LPXN: variants seen among roughly 807,000 people sequenced by gnomAD.
LPXN encodes the protein leupaxin.
A neutral mutation model predicts 45.6 loss-of-function variants in LPXN; 28 were observed. The observed-to-expected ratio is 0.61, with a 90% confidence interval of 0.45 to 0.84. The LOEUF is 0.84. Among genes scored for constraint, LPXN ranks in the 40% least tolerant of loss-of-function variants. The pLI is 0.00. For synonymous variants in LPXN, 166 were observed against 169.9 expected (o/e 0.98, Z 0.18); for missense variants, 459 against 475.0 (o/e 0.97, Z 0.31).
At chr11:58,555,037 T>A in intron 3 of LPXN, 97 bp from the exon 4 acceptor site, 1 of 750,912 alleles carries the variant, frequency 1.3e-6, no homozygotes, top group Admixed American at 2.2e-5. Context: ...TAATAATGAA[T>A]CCCCTGGATA....
chr11:58,536,629 C>A (rs562906349), intron 7 of LPXN, among the ~76,000 whole-genome samples: 1 of 152,136 alleles, frequency 6.6e-6, no homozygotes, highest in Non-Finnish European at 1.5e-5. Context: ...ACACCAAAAG[C>A]AATGGCTACA....
intron 7 of LPXN, among the ~76,000 whole-genome samples, chr11:58,534,086 C>T (rs1279692866): frequency 6.6e-6 from 1 of 152,140 alleles, no homozygotes; most frequent in Non-Finnish European, 1.5e-5. Flanking sequence ...GAGACTTTAA[C>T]ACCCCACTGT....
At chr11:58,564,056 T>C (rs1854456722) in intron 3 of LPXN, 99 bp downstream of exon 3, 1 of 739,290 alleles carries the variant, frequency 1.4e-6, no homozygotes, top group Admixed American at 2.5e-5. Context: ...CGAGTTCTAA[T>C]AATAAACACT....
At chr11:58,531,771 T>C (rs937773846) in intron 7 of LPXN, among the ~76,000 whole-genome samples, 3 of 152,056 alleles carry the variant, frequency 2.0e-5, no homozygotes, top group East Asian at 3.9e-4. Context: ...TTCACCAAGG[T>C]TGAAATTGAG....
chr11:58,555,511 A>G lies in LPXN; in HGVS notation c.219-571T>C, dbSNP rs532898056. Among the ~76,000 whole-genome samples, 231 of 152,356 alleles carry G rather than the reference A, an allele frequency of 1.5e-3. 1 individual carries two copies. Among genetic ancestry groups the G allele is most frequent in the African/African-American group, 4.7e-3 (195 of 41,598 alleles). On this transcript the variant is annotated intron_variant, in intron 3 of 8. Coordinates refer to ENST00000395074, the MANE Select transcript of LPXN (RefSeq NM_004811.3). ...AATAAACAGAATACAGATTCTATTC[A>G]AGTAGCTGCATAAACATTAGTAAAA...
chr11:58,542,011 A>AG (rs2120263215), intron 7 of LPXN, among the ~76,000 whole-genome samples: 1 of 148,704 alleles, frequency 6.7e-6, no homozygotes, highest in South Asian at 2.2e-4. Flanking sequence ...GGACACAGGA[A>AG]GGGGAACGTC....
intron 1 of LPXN, 49 bp downstream of exon 1, chr11:58,575,711 C>T: frequency 6.2e-7 from 1 of 1,606,280 alleles, no homozygotes; most frequent in Non-Finnish European, 8.5e-7. Context: ...AAGGAGATGG[C>T]AGCCAAGTCT....
At chr11:58,551,657 G>A (rs1336787734) in intron 4 of LPXN, among the ~76,000 whole-genome samples, 4 of 152,060 alleles carry the variant, frequency 2.6e-5, no homozygotes, top group Admixed American at 1.3e-4. Context: ...CAAGTGTCTG[G>A]CCTCATGGAA....
chr11:58,572,835 T>G (rs536931345), intron 1 of LPXN, among the ~76,000 whole-genome samples: 1 of 152,290 alleles, frequency 6.6e-6, no homozygotes, highest in South Asian at 2.1e-4. Context: ...ATATATGAAG[T>G]AAGACTGATG....
chr11:58,553,231 G>A (rs893915775), intron 4 of LPXN, among the ~76,000 whole-genome samples: 1 of 151,374 alleles, frequency 6.6e-6, no homozygotes, highest in Admixed American at 6.6e-5. Context: ...AGCTACTCAG[G>A]AGGCTGAGGC....
chr11:58,551,800 G>T (rs1264381341), intron 4 of LPXN, among the ~76,000 whole-genome samples: 1 of 152,176 alleles, frequency 6.6e-6, no homozygotes, highest in African/African-American at 2.4e-5. Context: ...TTAGATGGAG[G>T]TAATAATCAA....
intron 4 of LPXN, among the ~76,000 whole-genome samples, chr11:58,552,078 T>C (rs1376951118): frequency 6.6e-6 from 1 of 152,088 alleles, no homozygotes; most frequent in Non-Finnish European, 1.5e-5. Context: ...ATGGAAGCCA[T>C]TGCAGGATTT....
chr11:58,530,666 G>C (rs939412402), intron 7 of LPXN, among the ~76,000 whole-genome samples: 2 of 152,242 alleles, frequency 1.3e-5, no homozygotes, highest in Non-Finnish European at 2.9e-5. Context: ...GCTCTGAAGA[G>C]AGCAGTGGAT....
At chr11:58,565,874 T>C (rs1388925686) in intron 2 of LPXN, among the ~76,000 whole-genome samples, 1 of 151,970 alleles carries the variant, frequency 6.6e-6, no homozygotes, top group East Asian at 1.9e-4. Context: ...GGTGGGTGCC[T>C]GTAGTCCCAG....
At chr11:58,557,997 C>A (rs1177208378) in intron 3 of LPXN, among the ~76,000 whole-genome samples, 1 of 151,716 alleles carries the variant, frequency 6.6e-6, no homozygotes, top group African/African-American at 2.4e-5. Context: ...GGATAGAACA[C>A]TCAAGACAAT....
In LPXN at chr11:58,556,848, A is replaced by G. The variant is rs574291176; in HGVS notation, c.219-1908T>C. ...CTATGAAGAAAAACCATTGGCAGAC[A>G]TAAAGGAAGATCCACATATCCAATT... On this transcript the variant is annotated intron_variant, in intron 3 of 8. Coordinates refer to ENST00000395074, the MANE Select transcript of LPXN (RefSeq NM_004811.3). 4.6e-5 allele frequency among the ~76,000 whole-genome samples: 7 copies of G among 152,310 alleles called. No individual in the cohort carries two copies. The East Asian group carries it at 1.3e-3, about 29-fold the overall frequency.
chr11:58,558,797 A>T (rs1345217460), intron 3 of LPXN, among the ~76,000 whole-genome samples: 1 of 151,894 alleles, frequency 6.6e-6, no homozygotes, highest in Non-Finnish European at 1.5e-5. Flanking sequence ...AATTAAAGAT[A>T]GATATCAATA....
Position 58,527,596 on chromosome 11 carries a change from C to G in LPXN, c.1019G>C (p.Cys340Ser), listed in dbSNP as rs748833528. The change falls in exon 9 of 9, where the codon TGT (cysteine) becomes TCT (serine). Residue 340 changes from cysteine to serine, a missense_variant. Coordinates refer to ENST00000395074, the MANE Select transcript of LPXN (RefSeq NM_004811.3). The part of the protein sequence containing the change: ...HGCGQPITGR[C>S]ISAMGYKFHP... Reference sequence around the variant, plus strand: ...GAACTTGTACCCCATGGCACTGATACAACGGCCAGTGATGGGCTGCCCACA... The same window carrying G: ...GAACTTGTACCCCATGGCACTGATAGAACGGCCAGTGATGGGCTGCCCACA... The G allele has an allele frequency of 1.2e-6, 2 of 1,614,198 alleles. No individual in the cohort carries two copies. The highest frequency in any genetic ancestry group is 2.2e-5 in the South Asian group (2 of 91,086).
At chr11:58,528,217 C>T (rs768764267) in intron 7 of LPXN, 26 bp from the exon 8 acceptor site, 2 of 1,608,778 alleles carry the variant, frequency 1.2e-6, no homozygotes, top group Non-Finnish European at 1.7e-6. Context: ...CAGGAATTCA[C>T]TGTTGCAGGT....
Sources: allele counts gnomAD v4.1 joint callset (sites outside exome capture counted in the v4.1 genomes callset), GRCh38; gene constraint gnomAD v4.1.1; transcripts MANE v1.5; gene names NCBI Gene and HGNC (gene_info 2026-07-23, HGNC 2026-07-21).